Variants in INTS6L observed in about 807,000 individuals in gnomAD.
INTS6L encodes the protein integrator complex subunit 6-like.
Under a neutral mutation model 64.7 loss-of-function variants are expected in INTS6L, and 18 were observed. That is an observed-to-expected ratio of 0.28 (90% confidence interval 0.19 to 0.41). The LOEUF (loss-of-function observed/expected upper bound fraction) is 0.41. Among genes scored for constraint, INTS6L ranks in the 10% least tolerant of loss-of-function variants. The pLI, the probability that INTS6L is intolerant of heterozygous loss-of-function variation, is 1.00. For synonymous variants in INTS6L, 227 were observed against 235.9 expected, an observed-to-expected ratio of 0.96 and a Z score of 0.34; for missense variants, 533 against 661.0, an observed-to-expected ratio of 0.81 and a Z score of 2.12.
intron 2 of INTS6L, among the ~76,000 whole-genome samples, chrX:135,534,290 G>A (rs1280113590): frequency 9.1e-6 from 1 of 109,816 alleles, no homozygotes; most frequent in Non-Finnish European, 1.9e-5. Flanking sequence ...GAATCAAACT[G>A]TGAATCATTT....
chrX:135,549,861 T>A (rs2086453478), intron 7 of INTS6L, 56 bp downstream of exon 7: 1 of 1,166,462 alleles, frequency 8.6e-7, no homozygotes, highest in East Asian at 3.0e-5. Context: ...ATTTTCTGAT[T>A]ACAGTGAACC....
rs1253220926 is a variant in INTS6L at position 135,520,897 on chromosome X, C to T, written c.-96C>T. 3.2e-6 allele frequency: 3 copies of T among 934,540 alleles called. No homozygotes were observed. The highest frequency in any genetic ancestry group is 1.9e-5 in the African/African-American group (1 of 51,772). 77.0% of individuals were successfully genotyped at this position (934,540 alleles called of 1,213,427 possible). On this transcript the variant is annotated 5_prime_UTR_variant, in exon 1 of 18. Transcript: ENST00000639893. The stretch of plus-strand genomic sequence containing the variant: ...CCTCTTCCTCTTGCTCCTTGCTCCC[C>T]GGCTCTGCGAGAGTTGAGGGTTCAG...
intron 5 of INTS6L, 74 bp downstream of exon 5, chrX:135,546,959 CA>C (rs1461010367): frequency 1.1e-5 from 12 of 1,136,441 alleles, no homozygotes; most frequent in African/African-American, 1.8e-5. Context: ...ATGCCATATC[CA>C]GTCTTTACTT....
intron 2 of INTS6L, among the ~76,000 whole-genome samples, chrX:135,536,124 G>C (rs1288689777): frequency 8.9e-6 from 1 of 111,816 alleles, no homozygotes; most frequent in East Asian, 2.8e-4. Context: ...TCAGCACCAA[G>C]TCAGGGGGAC....
chrX:135,572,613 A>T (rs2087119074), intron 11 of INTS6L: 1 of 325,099 alleles, frequency 3.1e-6, no homozygotes, highest in Non-Finnish European at 5.3e-6. Context: ...AAGAAAAAAA[A>T]ATATTATTTG....
intron 9 of INTS6L, among the ~76,000 whole-genome samples, chrX:135,566,724 C>G (rs1285476058): frequency 2.7e-5 from 3 of 112,018 alleles, no homozygotes; most frequent in Admixed American, 9.5e-5. Flanking sequence ...GCAAAGGACT[C>G]TCTCCCAATT....
At chrX:135,531,240 T>A (rs1233590794) in intron 2 of INTS6L, among the ~76,000 whole-genome samples, 1 of 112,562 alleles carries the variant, frequency 8.9e-6, no homozygotes, top group Non-Finnish European at 1.9e-5. Flanking sequence ...TCCTATATTC[T>A]GTTTCTCCAC....
intron 8 of INTS6L, among the ~76,000 whole-genome samples, chrX:135,554,245 C>G: frequency 1.8e-5 from 2 of 112,151 alleles, no homozygotes; most frequent in East Asian, 5.6e-4. Context: ...GAGAAAGAAA[C>G]AAAATTCAGT....
At chrX:135,574,126 G>T in intron 13 of INTS6L, 64 bp downstream of exon 13, 4 of 1,086,959 alleles carry the variant, frequency 3.7e-6, no homozygotes, top group Non-Finnish European at 3.7e-6. Context: ...CTTACAGGAA[G>T]GTGTTTATTG....
intron 2 of INTS6L, 22 bp downstream of exon 2, chrX:135,521,340 G>A (rs1556496681): frequency 8.5e-7 from 1 of 1,180,205 alleles, no homozygotes; most frequent in Non-Finnish European, 1.1e-6. Context: ...ACGGGTGGGG[G>A]GACAGGCGGG....
intron 2 of INTS6L, among the ~76,000 whole-genome samples, chrX:135,538,536 G>A (rs1303144797): frequency 9.0e-6 from 1 of 111,022 alleles, no homozygotes; most frequent in Non-Finnish European, 1.9e-5. Flanking sequence ...CCAAACTCCT[G>A]CTAATGTTGG....
At chrX:135,566,769 G>A (rs1401663968) in intron 9 of INTS6L, among the ~76,000 whole-genome samples, 2 of 111,992 alleles carry the variant, frequency 1.8e-5, no homozygotes, top group Non-Finnish European at 3.8e-5. Flanking sequence ...CCTAATAACT[G>A]CAGAAATTAG....
In INTS6L at chrX:135,561,294, TTTC is replaced by T. The variant is rs782701208; in HGVS notation, c.1192+5000_1192+5002del. Among the ~76,000 whole-genome samples, 5 of 112,017 alleles carry T rather than the reference TTTC, an allele frequency of 4.5e-5. No homozygotes were observed. The South Asian group carries it at 1.9e-3, about 42-fold the overall frequency. On this transcript the variant is annotated intron_variant, in intron 9 of 17. Transcript: ENST00000639893. ...CATCATTTGATATGACCATATGATT[TTTC>T]TTCTTTAGTCTGTTAAGTATGATGG...
chrX:135,544,006 A>G (rs782192343), intron 2 of INTS6L, among the ~76,000 whole-genome samples: 137 of 112,531 alleles, frequency 1.2e-3, no homozygotes, highest in African/African-American at 4.1e-3. Flanking sequence ...AACTAAGCAC[A>G]TCTTTAATTT....
Position 135,580,136 on chromosome X carries a change from T to C in INTS6L, c.2468T>C (p.Met823Thr), listed in dbSNP as rs1406324673. 2 of 1,179,432 alleles carry C rather than the reference T, an allele frequency of 1.7e-6. No homozygotes were observed. Among genetic ancestry groups the C allele is most frequent in the East Asian group, 3.0e-5 (1 of 33,317 alleles). ...AATGCTGATATAAAACATCAATTAA[T>C]GAAGGAAGTTCGAAAGTTTGGTCGA... is the stretch of plus-strand genomic sequence containing the variant. ...GINADIKHQL[M>T]KEVRKFGRKY... The change falls in exon 16 of 18, where the codon ATG becomes ACG. Residue 823 changes from methionine to threonine, a missense_variant. Met to Thr is a moderately conservative substitution (Grantham distance 81). Coordinates refer to ENST00000639893, the MANE Select transcript of INTS6L (RefSeq NM_001351601.3).
At chrX:135,551,185 G>A (rs950237617) in intron 7 of INTS6L, among the ~76,000 whole-genome samples, 2 of 112,068 alleles carry the variant, frequency 1.8e-5, no homozygotes, top group South Asian at 3.7e-4. Flanking sequence ...TACAGGTTTC[G>A]CAACAAGAAT....
chrX:135,534,038 C>T lies in INTS6L; in HGVS notation c.190-11385C>T, dbSNP rs1477838740. Reference sequence around the variant, plus strand: ...AAGCTTCTAAAATTATTGGTTTCTACGTGTTACTGTCCACTGGTGAAGGTC... The same window carrying T: ...AAGCTTCTAAAATTATTGGTTTCTATGTGTTACTGTCCACTGGTGAAGGTC... On this transcript the variant is annotated intron_variant, in intron 2 of 17. Coordinates refer to ENST00000639893, the MANE Select transcript of INTS6L (RefSeq NM_001351601.3). Among the ~76,000 whole-genome samples, 5 of 110,896 alleles carry T rather than the reference C, an allele frequency of 4.5e-5. 1 individual carries two copies. The Middle Eastern group carries it at 0.014, about 308-fold the overall frequency.
rs868952262 is a variant in INTS6L at position 135,521,720 on chromosome X, G to A, written c.189+402G>A. Among the ~76,000 whole-genome samples the A allele has an allele frequency of 8.0e-3, 769 of 96,570 alleles. 2 individuals are homozygous for A. Among genetic ancestry groups the A allele is most frequent in the Middle Eastern group, 0.022 (4 of 185 alleles). The allele number at this position is 96,570 out of a possible 115,157, so 83.9% of individuals were successfully genotyped here. ...AACCCGGAGGGAGGCTGCGAGGCGG[G>A]CCCGCCCCTTCGAGGCGCACCGCGC... On this transcript the variant is annotated intron_variant, in intron 2 of 17. Transcript: ENST00000639893.
At chrX:135,565,818 T>C (rs782441283) in intron 9 of INTS6L, among the ~76,000 whole-genome samples, 11 of 111,788 alleles carry the variant, frequency 9.8e-5, no homozygotes, top group Non-Finnish European at 2.1e-4. Context: ...TCTTCCCCTG[T>C]TCCCTAATCC....
Sources: allele counts gnomAD v4.1 joint callset (sites outside exome capture counted in the v4.1 genomes callset), GRCh38; gene constraint gnomAD v4.1.1; transcripts MANE v1.5; gene names NCBI Gene and HGNC (gene_info 2026-07-23, HGNC 2026-07-21).